Variants in IGSF21 observed in about 807,000 individuals in gnomAD.
IGSF21 encodes the protein immunoglobin superfamily member 21.
In IGSF21, 28 loss-of-function variants were observed where a neutral mutation model predicts 46.8. The observed-to-expected ratio is 0.60, with a 90% CI of 0.44 to 0.82. The LOEUF (loss-of-function observed/expected upper bound fraction) is 0.82, where lower values mean the gene tolerates loss of function less well. Ranked by LOEUF, IGSF21 falls within the 40% of genes least tolerant of loss-of-function variation. The pLI, the probability that IGSF21 is intolerant of heterozygous loss-of-function variation, is 0.00. For missense variants in IGSF21, 624 were observed against 665.5 expected (o/e 0.94, Z 0.69); for synonymous variants, 284 against 273.6 (o/e 1.04, Z -0.38).
chr1:18,350,256 C>G (rs576216416), intron 4 of IGSF21, among the ~76,000 whole-genome samples: 5 of 152,158 alleles, frequency 3.3e-5, no homozygotes, highest in Non-Finnish European at 4.4e-5. Flanking sequence ...AGGGGACTCT[C>G]CCTGCAGTAG....
intron 4 of IGSF21, among the ~76,000 whole-genome samples, chr1:18,340,471 C>T (rs1161620070): frequency 6.6e-6 from 1 of 152,220 alleles, no homozygotes; most frequent in African/African-American, 2.4e-5. Context: ...GAGCATTCCC[C>T]AGGTGCCAGG....
intron 1 of IGSF21, among the ~76,000 whole-genome samples, chr1:18,146,823 C>T (rs2086470903): frequency 6.6e-6 from 1 of 152,176 alleles, no homozygotes; most frequent in African/African-American, 2.4e-5. Context: ...ATCCTCATAG[C>T]ACCCCTGATA....
intron 1 of IGSF21, among the ~76,000 whole-genome samples, chr1:18,182,103 G>T (rs2086862672): frequency 6.6e-6 from 1 of 151,280 alleles, no homozygotes. Context: ...TGAGTGTCCA[G>T]CAGACCAAGC....
At chr1:18,182,689 A>C (rs905292183) in intron 1 of IGSF21, among the ~76,000 whole-genome samples, 1 of 152,176 alleles carries the variant, frequency 6.6e-6, no homozygotes, top group South Asian at 2.1e-4. Flanking sequence ...AATGAATGAA[A>C]CATGAAACTC....
intron 1 of IGSF21, among the ~76,000 whole-genome samples, chr1:18,183,892 C>T (rs988005255): frequency 2.0e-5 from 3 of 152,052 alleles, no homozygotes; most frequent in Admixed American, 6.5e-5. Flanking sequence ...ATTGCTCAAC[C>T]GAACATCCCA....
intron 2 of IGSF21, among the ~76,000 whole-genome samples, chr1:18,263,929 C>A (rs574436912): frequency 6.6e-6 from 1 of 152,186 alleles, no homozygotes; most frequent in Non-Finnish European, 1.5e-5. Context: ...TAAGTGGAAG[C>A]AACAACTCAT....
At chr1:18,257,755 T>C (rs1362556076) in intron 2 of IGSF21, among the ~76,000 whole-genome samples, 1 of 152,140 alleles carries the variant, frequency 6.6e-6, no homozygotes, top group Non-Finnish European at 1.5e-5. Flanking sequence ...AGCACAGACA[T>C]CTACAAAAAG....
chr1:18,120,623 G>T (rs1038170288), intron 1 of IGSF21, among the ~76,000 whole-genome samples: 12 of 152,176 alleles, frequency 7.9e-5, no homozygotes, highest in Admixed American at 7.9e-4. Context: ...CTAATGATTG[G>T]TAGCTATTTA....
intron 2 of IGSF21, among the ~76,000 whole-genome samples, chr1:18,248,007 G>C (rs1273324177): frequency 6.6e-6 from 1 of 152,176 alleles, no homozygotes; most frequent in Non-Finnish European, 1.5e-5. Context: ...TTAGCTATAG[G>C]TGTGAGCACT....
At chr1:18,245,405 T>C (rs1196836516) in intron 2 of IGSF21, among the ~76,000 whole-genome samples, 1 of 152,194 alleles carries the variant, frequency 6.6e-6, no homozygotes, top group African/African-American at 2.4e-5. Context: ...ACAAATAGCT[T>C]GTGTAGCAAA....
intron 2 of IGSF21, among the ~76,000 whole-genome samples, chr1:18,239,255 G>A (rs1341307): frequency 0.96 from 146,041 of 152,124 alleles, 70,334 homozygotes; most frequent in East Asian, 1. Context: ...CCAGTGAAAA[G>A]AAAAGAACAT....
intron 1 of IGSF21, among the ~76,000 whole-genome samples, chr1:18,153,198 G>A (rs970331003): frequency 1.3e-5 from 2 of 152,168 alleles, no homozygotes; most frequent in Admixed American, 6.5e-5. Context: ...GTGGTAGGGA[G>A]GCCAAGAGAG....
chr1:18,220,313 C>T (rs919475246), intron 1 of IGSF21, among the ~76,000 whole-genome samples: 71 of 152,024 alleles, frequency 4.7e-4, no homozygotes, highest in African/African-American at 1.6e-3. Context: ...TCATGGGAGG[C>T]TGTTGGATAC....
intron 6 of IGSF21, among the ~76,000 whole-genome samples, chr1:18,375,028 G>A (rs976254932): frequency 6.6e-5 from 10 of 152,056 alleles, no homozygotes; most frequent in Admixed American, 5.9e-4. Flanking sequence ...AATATGCCTC[G>A]TGAGCTTCAC....
rs530822094 is a variant in IGSF21 at position 18,294,668 on chromosome 1, C to T, written c.305+2681C>T. ...GGAGCCAGTGCTCTTTTCTTCCCCA[C>T]ATGGGGGCCAATCTCCCTGAGCCTC... On this transcript the variant is annotated intron_variant, in intron 3 of 9. Coordinates refer to ENST00000251296, the MANE Select transcript of IGSF21 (RefSeq NM_032880.5). Among the ~76,000 whole-genome samples the T allele has an allele frequency of 2.5e-4, 38 of 152,364 alleles. No individual in the cohort carries two copies. In the South Asian group the frequency reaches 7.9e-3, roughly 32 times the overall value.
chr1:18,250,098 GCTCCCTCCCTCC>G (rs781326742), intron 2 of IGSF21, among the ~76,000 whole-genome samples: 17,479 of 59,876 alleles, frequency 0.29, 2,290 homozygotes, highest in East Asian at 0.49. Flanking sequence ...TCCCTCCCTC[GCTCCCTCCCTCC>G]CTCCCTCCCT....
intron 2 of IGSF21, among the ~76,000 whole-genome samples, chr1:18,251,803 A>T (rs754633384): frequency 1.7e-4 from 26 of 152,226 alleles, no homozygotes; most frequent in Admixed American, 3.9e-4. Flanking sequence ...CTGATGAGGG[A>T]TGATGGTGGC....
intron 2 of IGSF21, among the ~76,000 whole-genome samples, chr1:18,282,256 T>C (rs1428880501): frequency 6.6e-6 from 1 of 152,138 alleles, no homozygotes; most frequent in African/African-American, 2.4e-5. Context: ...GAATAAGGAC[T>C]GCATTCAGAA....
At chr1:18,273,363 TCCTTTCCTTTCCTTTC>T (rs1314547081) in intron 2 of IGSF21, among the ~76,000 whole-genome samples, 1 of 131,282 alleles carries the variant, frequency 7.6e-6, no homozygotes, top group Non-Finnish European at 1.6e-5. Context: ...TCCTTTCCTT[TCCTTTCCTTTCCTTTC>T]CTTTCCTTTC....
Sources: gnomAD v4.1 joint callset for allele counts (sites outside exome capture counted in the v4.1 genomes callset) on GRCh38, gnomAD v4.1.1 for gene constraint, MANE v1.5 for transcripts, NCBI Gene and HGNC (gene_info 2026-07-23, HGNC 2026-07-21) for gene names.